Variants in PTPRD observed in about 807,000 individuals in gnomAD.
PTPRD encodes the protein protein tyrosine phosphatase receptor type D.
PTPRD carries 34 observed loss-of-function variants against 214.5 expected under a neutral mutation model. That is an observed-to-expected ratio of 0.16 (90% CI 0.12 to 0.21). The LOEUF is 0.21. Among genes scored for constraint, PTPRD ranks in the 10% least tolerant of loss-of-function variants. PTPRD has a pLI of 1.00. For missense variants in PTPRD, 2,545 were observed against 2,398.7 expected (o/e 1.06, Z -1.27); for synonymous variants, 1,128 against 845.7 (o/e 1.33, Z -5.79).
At chr9:10,402,851 T>C (rs1438349077) in intron 2 of PTPRD, among the ~76,000 whole-genome samples, 1 of 151,672 alleles carries the variant, frequency 6.6e-6, no homozygotes, top group Non-Finnish European at 1.5e-5. Flanking sequence ...CATGAATGTC[T>C]TTATTGCCTT....
intron 3 of PTPRD, among the ~76,000 whole-genome samples, chr9:10,174,464 CT>C (rs1218795195): frequency 6.6e-6 from 1 of 152,120 alleles, no homozygotes; most frequent in Non-Finnish European, 1.5e-5. Context: ...CAATTTTTAA[CT>C]TTTGGAGACA....
intron 10 of PTPRD, among the ~76,000 whole-genome samples, chr9:9,165,432 T>C (rs1237611286): frequency 2.6e-5 from 4 of 152,104 alleles, no homozygotes; most frequent in Non-Finnish European, 5.9e-5. Context: ...CAGATGAAGG[T>C]AGGTGAAGAC....
At chr9:8,472,184 G>C (rs1002257286) in intron 30 of PTPRD, among the ~76,000 whole-genome samples, 3 of 152,084 alleles carry the variant, frequency 2.0e-5, no homozygotes, top group African/African-American at 7.2e-5. Context: ...GCAGTGGTCT[G>C]TCTCTTTTTC....
intron 11 of PTPRD, among the ~76,000 whole-genome samples, chr9:8,977,432 A>C (rs1297926768): frequency 6.6e-6 from 1 of 152,070 alleles, no homozygotes; most frequent in East Asian, 1.9e-4. Flanking sequence ...CTCTTCATAC[A>C]TTAGTTAACC....
chr9:8,744,045 T>C (rs968271560), intron 11 of PTPRD, among the ~76,000 whole-genome samples: 40 of 151,926 alleles, frequency 2.6e-4, no homozygotes, highest in African/African-American at 9.2e-4. Flanking sequence ...GCTCACAAAA[T>C]GCTCCCTGAT....
chr9:8,794,343 C>T (rs1399421864), intron 11 of PTPRD, among the ~76,000 whole-genome samples: 2 of 152,068 alleles, frequency 1.3e-5, no homozygotes, highest in African/African-American at 4.8e-5. Flanking sequence ...AATACTTAAG[C>T]CCATTTTACA....
intron 6 of PTPRD, among the ~76,000 whole-genome samples, chr9:9,756,061 A>G (rs1456008253): frequency 6.6e-6 from 1 of 151,926 alleles, no homozygotes. Context: ...CCTCTCATAA[A>G]CCTTTATATT....
At chr9:9,314,343 CA>C (rs554665406) in intron 9 of PTPRD, among the ~76,000 whole-genome samples, 210 of 152,190 alleles carry the variant, frequency 1.4e-3, no homozygotes, top group South Asian at 3.7e-3. Context: ...TCTGTTCTTA[CA>C]TCACTCATGT....
intron 9 of PTPRD, among the ~76,000 whole-genome samples, chr9:9,269,117 A>G (rs1386469355): frequency 2.0e-5 from 3 of 151,448 alleles, no homozygotes; most frequent in African/African-American, 7.3e-5. Flanking sequence ...CATATTTAAT[A>G]ATGGTTTAAT....
chr9:10,532,606 CTATATATATTAGATATT>C (rs1475052234), intron 2 of PTPRD, among the ~76,000 whole-genome samples: 2 of 146,104 alleles, frequency 1.4e-5, no homozygotes, highest in South Asian at 2.1e-4. Context: ...TATATAAATC[CTATATATATTAGATATT>C]TATATATATT....
At chr9:8,938,785 T>C (rs889065414) in intron 11 of PTPRD, among the ~76,000 whole-genome samples, 2 of 152,148 alleles carry the variant, frequency 1.3e-5, no homozygotes, top group African/African-American at 4.8e-5. Flanking sequence ...GTGGACACAT[T>C]TTCTACAAAG....
intron 10 of PTPRD, among the ~76,000 whole-genome samples, chr9:9,063,748 T>G (rs952695696): frequency 1.3e-5 from 2 of 152,166 alleles, no homozygotes; most frequent in African/African-American, 4.8e-5. Context: ...AACACTAGTA[T>G]GCGGAAGACT....
At chr9:8,896,582 A>G (rs1044232912) in intron 11 of PTPRD, among the ~76,000 whole-genome samples, 8 of 152,238 alleles carry the variant, frequency 5.3e-5, no homozygotes, top group Non-Finnish European at 1.2e-4. Flanking sequence ...ATGCTGGGGC[A>G]GAAGATAATA....
At chr9:9,438,097 C>A (rs1470436718) in intron 8 of PTPRD, among the ~76,000 whole-genome samples, 1 of 152,106 alleles carries the variant, frequency 6.6e-6, no homozygotes, top group Admixed American at 6.6e-5. Context: ...CTAATGTCCT[C>A]TTCTCATAAG....
intron 11 of PTPRD, among the ~76,000 whole-genome samples, chr9:8,971,489 G>C (rs2099238057): frequency 6.6e-6 from 1 of 151,630 alleles, no homozygotes; most frequent in African/African-American, 2.4e-5. Flanking sequence ...GGACAGTTAT[G>C]CCTAATTCAC....
chr9:10,407,374 T>C (rs1379231162), intron 2 of PTPRD, among the ~76,000 whole-genome samples: 2 of 151,556 alleles, frequency 1.3e-5, no homozygotes, highest in Admixed American at 1.3e-4. Flanking sequence ...ATCCTCGTTT[T>C]CATCATAATT....
intron 2 of PTPRD, among the ~76,000 whole-genome samples, chr9:10,380,656 T>G (rs958456225): frequency 1.3e-5 from 2 of 152,000 alleles, no homozygotes; most frequent in African/African-American, 4.8e-5. Flanking sequence ...ATTAGTGGAG[T>G]ATTCTGAAGT....
chr9:10,383,222 C>T (rs535234706), intron 2 of PTPRD, among the ~76,000 whole-genome samples: 15 of 151,996 alleles, frequency 9.9e-5, no homozygotes, highest in Non-Finnish European at 2.1e-4. Flanking sequence ...TCAGTTATTA[C>T]AAACATTCTT....
intron 5 of PTPRD, among the ~76,000 whole-genome samples, chr9:9,783,961 T>A (rs1597703466): frequency 6.6e-6 from 1 of 152,002 alleles, no homozygotes. Context: ...AATCCATTAG[T>A]GATTTTAAAT....
Sources: allele counts gnomAD v4.1 joint callset (sites outside exome capture counted in the v4.1 genomes callset), GRCh38; gene constraint gnomAD v4.1.1; transcripts MANE v1.5; gene names NCBI Gene and HGNC (gene_info 2026-07-23, HGNC 2026-07-21).